The following PCDH11X variants were observed in gnomAD, a reference collection of about 807,000 sequenced individuals.
PCDH11X encodes protocadherin 11 X-linked, also known as protocadherin-11 X-linked.
Under a neutral mutation model 53.3 loss-of-function variants are expected in PCDH11X, and 18 were observed. That is an observed-to-expected ratio of 0.34 (90% CI 0.23 to 0.50). PCDH11X has a LOEUF of 0.50. Among genes scored for constraint, PCDH11X ranks in the 20% least tolerant of loss-of-function variants. The pLI, the probability that PCDH11X is intolerant of heterozygous loss-of-function variation, is 0.98. For missense variants in PCDH11X, 570 were observed against 1,032.4 expected, an observed-to-expected ratio of 0.55 and a Z score of 6.14; for synonymous variants, 279 against 393.3, an observed-to-expected ratio of 0.71 and a Z score of 3.44.
chrX:92,079,789 A>G (rs2063827836), intron 6 of PCDH11X, among the ~76,000 whole-genome samples: 1 of 111,315 alleles, frequency 9.0e-6, no homozygotes, highest in Non-Finnish European at 1.9e-5. Flanking sequence ...GGAATCACTG[A>G]CCCAGAAATA....
intron 6 of PCDH11X, among the ~76,000 whole-genome samples, chrX:92,027,179 T>C (rs1015853125): frequency 2.7e-5 from 3 of 111,619 alleles, no homozygotes; most frequent in Admixed American, 9.6e-5. Context: ...TTGCATATTA[T>C]ATTTATGTAT....
At chrX:92,429,124 C>T (rs1045669351) in intron 9 of PCDH11X, among the ~76,000 whole-genome samples, 3 of 110,959 alleles carry the variant, frequency 2.7e-5, no homozygotes, top group African/African-American at 6.6e-5. Flanking sequence ...CATAAATAGC[C>T]GTTGGATTTA....
At chrX:92,307,223 G>A in intron 8 of PCDH11X, among the ~76,000 whole-genome samples, 1 of 108,981 alleles carries the variant, frequency 9.2e-6, no homozygotes, top group Non-Finnish European at 1.9e-5. Flanking sequence ...ACAAACATTA[G>A]CAAACCAAAT....
chrX:92,333,582 C>T (rs2069544025), intron 8 of PCDH11X, among the ~76,000 whole-genome samples: 1 of 111,773 alleles, frequency 8.9e-6, no homozygotes. Context: ...ACTTTTAGAA[C>T]TTTCCTGAGG....
intron 9 of PCDH11X, among the ~76,000 whole-genome samples, chrX:92,423,266 T>C (rs763256953): frequency 1.0e-5 from 1 of 98,247 alleles, no homozygotes; most frequent in Admixed American, 1.1e-4. Context: ...GTCGGCCATT[T>C]GTTTATCTTC....
intron 6 of PCDH11X, among the ~76,000 whole-genome samples, chrX:92,180,554 G>A (rs2065979469): frequency 9.0e-6 from 1 of 110,830 alleles, no homozygotes; most frequent in African/African-American, 3.3e-5. Flanking sequence ...ATATATTGAT[G>A]AATCCCAAAT....
At position 92,388,092 on chromosome X, in the gene PCDH11X, T is replaced by C. The variant is rs1603297545; in HGVS notation, c.3343+159T>C. 2.7e-5 allele frequency among the ~76,000 whole-genome samples: 3 copies of C among 110,897 alleles called. No homozygotes were observed. In the Middle Eastern group the frequency reaches 0.014, roughly 516 times the overall value. ...TACAGAATTAGATGGATGGCAAGTA[T>C]AAGGCAGTTTATAATATTTTAAATG... On this transcript the variant is annotated intron_variant, in intron 9 of 10. Transcript: ENST00000682573.
chrX:91,938,754 C>T (rs1170765895), intron 6 of PCDH11X, among the ~76,000 whole-genome samples: 2 of 110,798 alleles, frequency 1.8e-5, no homozygotes, highest in Admixed American at 9.7e-5. Flanking sequence ...TTCTAAGGCA[C>T]TGAACAGAGT....
intron 8 of PCDH11X, among the ~76,000 whole-genome samples, chrX:92,269,378 T>A (rs938462601): frequency 7.1e-5 from 8 of 112,116 alleles, no homozygotes; most frequent in African/African-American, 2.6e-4. Flanking sequence ...ACATTAATAG[T>A]ACTAAGTTTC....
intron 5 of PCDH11X, among the ~76,000 whole-genome samples, chrX:91,863,375 C>T (rs1015626388): frequency 8.1e-5 from 9 of 111,443 alleles, no homozygotes; most frequent in Non-Finnish European, 1.7e-4. Flanking sequence ...TTCTTAATTG[C>T]TTTTGTCTTG....
At chrX:92,449,476 T>C (rs1569488682) in intron 9 of PCDH11X, among the ~76,000 whole-genome samples, 1 of 111,620 alleles carries the variant, frequency 9.0e-6, no homozygotes, top group South Asian at 3.7e-4. Context: ...GTCCCTGATA[T>C]GAGAGTGTAA....
chrX:91,825,514 A>G (rs967166555), intron 4 of PCDH11X, among the ~76,000 whole-genome samples: 26 of 111,926 alleles, frequency 2.3e-4, no homozygotes, highest in African/African-American at 7.8e-4. Flanking sequence ...AAGTGAGGCA[A>G]TGCCTCGCCC....
intron 6 of PCDH11X, among the ~76,000 whole-genome samples, chrX:91,930,583 T>C (rs770816261): frequency 1.2e-5 from 1 of 82,821 alleles, no homozygotes; most frequent in South Asian, 6.8e-4. Flanking sequence ...TTTTGTTTCT[T>C]TCTCAGAAAA....
intron 10 of PCDH11X, among the ~76,000 whole-genome samples, chrX:92,534,373 C>T (rs750837917): frequency 1.1e-4 from 12 of 110,876 alleles, no homozygotes; most frequent in South Asian, 7.7e-4. Flanking sequence ...TAAAAATAAA[C>T]GAGCAAAGCC....
intron 6 of PCDH11X, among the ~76,000 whole-genome samples, chrX:92,085,589 A>G (rs2063936977): frequency 9.4e-6 from 1 of 106,577 alleles, no homozygotes; most frequent in South Asian, 4.1e-4. Flanking sequence ...AAGCTTTTAC[A>G]ACCCCCACCC....
intron 6 of PCDH11X, among the ~76,000 whole-genome samples, chrX:92,032,073 G>A (rs1225319745): frequency 1.8e-5 from 2 of 111,867 alleles, no homozygotes; most frequent in Non-Finnish European, 3.8e-5. Flanking sequence ...ATTGCATTGA[G>A]TAGTGTGGCC....
intron 6 of PCDH11X, among the ~76,000 whole-genome samples, chrX:92,195,836 G>C (rs1001322097): frequency 1.8e-5 from 2 of 111,875 alleles, no homozygotes; most frequent in African/African-American, 6.5e-5. Flanking sequence ...ATCATAGGAC[G>C]TAAATTATTC....
At chrX:91,901,286 G>T (rs2524562) in intron 6 of PCDH11X, among the ~76,000 whole-genome samples, 10 of 111,367 alleles carry the variant, frequency 9.0e-5, no homozygotes, top group Admixed American at 2.9e-4. Context: ...AGTAATGTTG[G>T]CACATCACAA....
intron 8 of PCDH11X, among the ~76,000 whole-genome samples, chrX:92,374,324 T>G (rs2070691985): frequency 2.0e-5 from 2 of 98,739 alleles, no homozygotes; most frequent in Non-Finnish European, 4.1e-5. Flanking sequence ...TGAAGATTAT[T>G]TTCAATTGAA....
Sources: gnomAD v4.1 joint callset for allele counts (sites outside exome capture counted in the v4.1 genomes callset) on GRCh38, gnomAD v4.1.1 for gene constraint, MANE v1.5 for transcripts, NCBI Gene and HGNC (gene_info 2026-07-23, HGNC 2026-07-21) for gene names.